Variants in APBA2 observed in about 807,000 individuals in gnomAD.
The protein encoded by APBA2 is amyloid-beta A4 precursor protein-binding family A member 2.
In APBA2, 30 loss-of-function variants were observed where a neutral mutation model predicts 75.0. The ratio of observed to expected loss-of-function variants is 0.40; its 90% confidence interval spans 0.30 to 0.54. The LOEUF is 0.54. Among genes scored for constraint, APBA2 ranks in the 20% least tolerant of loss-of-function variants. APBA2 has a pLI of 0.49. For missense variants in APBA2, 801 were observed against 1,016.1 expected, an observed-to-expected ratio of 0.79 and a Z score of 2.88; for synonymous variants, 444 against 409.6, an observed-to-expected ratio of 1.08 and a Z score of -1.01.
chr15:28,895,540 T>G (rs1349935685), intron 1 of APBA2: 1 of 152,212 alleles, frequency 6.6e-6, no homozygotes, highest in African/African-American at 2.4e-5. Flanking sequence ...CTGTTCATCC[T>G]CTGGGGGCTG....
intron 2 of APBA2, among the ~76,000 whole-genome samples, chr15:28,985,742 C>G (rs1457561491): frequency 6.6e-6 from 1 of 152,232 alleles, no homozygotes; most frequent in Non-Finnish European, 1.5e-5. Context: ...GTTCTTGCTG[C>G]TTTAACTGGA....
At chr15:28,926,477 GTTAA>G (rs1488263600) in intron 2 of APBA2, among the ~76,000 whole-genome samples, 7 of 151,988 alleles carry the variant, frequency 4.6e-5, no homozygotes, top group African/African-American at 7.3e-5. Context: ...TGACATTGCT[GTTAA>G]TTATTTCAAT....
chr15:28,999,958 G>A (rs2038755469), intron 3 of APBA2, among the ~76,000 whole-genome samples: 1 of 152,186 alleles, frequency 6.6e-6, no homozygotes, highest in Non-Finnish European at 1.5e-5. Context: ...ATGGAGGGCA[G>A]AGAAGACCAA....
chr15:29,113,352 G>GGA (rs1555417042), intron 13 of APBA2, among the ~76,000 whole-genome samples: 1 of 127,830 alleles, frequency 7.8e-6, no homozygotes, highest in East Asian at 2.5e-4. Context: ...GTCACTTGGC[G>GGA]GGGGGGGGAT....
chr15:29,020,301 C>A (rs2039888275), intron 3 of APBA2, among the ~76,000 whole-genome samples: 2 of 150,578 alleles, frequency 1.3e-5, no homozygotes, highest in African/African-American at 4.9e-5. Context: ...TTTTCTCATC[C>A]AGGTTTAAAC....
chr15:28,896,608 A>G (rs1321895268), intron 1 of APBA2, among the ~76,000 whole-genome samples: 2 of 152,076 alleles, frequency 1.3e-5, no homozygotes, highest in Admixed American at 1.3e-4. Flanking sequence ...AGAGAAACCA[A>G]ACTCTGGTGT....
intron 6 of APBA2, among the ~76,000 whole-genome samples, chr15:29,079,381 C>T (rs1005569938): frequency 2.0e-5 from 3 of 152,266 alleles, no homozygotes; most frequent in South Asian, 2.1e-4. Context: ...TTGGAGTAGA[C>T]GGCCCCATGT....
rs71132859 is a variant in APBA2 at position 28,928,142 on chromosome 15, T to TAAA, written c.-95+6408_-95+6410dup. 3.9e-4 allele frequency among the ~76,000 whole-genome samples: 51 copies of TAAA among 131,394 alleles called. 1 individual carries two copies. Among genetic ancestry groups the TAAA allele is most frequent in the African/African-American group, 1.4e-3 (49 of 34,472 alleles). 86.2% of individuals were successfully genotyped at this position (131,394 alleles called of 152,430 possible). ...CTGGGCAACAGAGCGAGACTCCATC[T>TAAA]AAAAAAAAAAAAAAAAAGAAACATG... On this transcript the variant is annotated intron_variant, in intron 2 of 14. Coordinates refer to ENST00000683413, the MANE Select transcript of APBA2 (RefSeq NM_001353788.2).
rs1429171950 is a variant in APBA2 at position 29,106,615 on chromosome 15, G to T, written c.1713G>T (p.Leu571=). Residue 571 remains leucine (L), a synonymous_variant, in exon 12 of 15, where the codon CTG becomes CTT. Coordinates refer to ENST00000683413, the MANE Select transcript of APBA2 (RefSeq NM_001353788.2). ...TGCTGATCCCTTTGCAGCTGCAGCT[G>T]GAGAAGCACAAGGGCGAGATCCTGG... ...SNSENCKELQ[L]EKHKGEILGV... is the part of the protein sequence containing the mutation. 1.2e-6 allele frequency: 2 copies of T among 1,613,190 alleles called. No individual in the cohort carries two copies. The highest frequency in any genetic ancestry group is 8.5e-7 in the Non-Finnish European group (1 of 1,180,006).
chr15:29,054,221 G>T lies in APBA2; in HGVS notation c.337G>T (p.Gly113Cys). The change falls in exon 4 of 15, where the codon GGC (glycine) becomes TGC (cysteine). Residue 113 changes from glycine to cysteine, a missense_variant. Gly to Cys is a radical substitution (Grantham distance 159). This residue lies in a region of APBA2 where 434 missense variants were observed against 471.6 expected (regional missense o/e 0.92). Transcript: ENST00000683413. The surrounding 1 kb of genome is among the most constrained non-coding windows in gnomAD (Gnocchi z 6.1). Reference sequence around the variant, plus strand: ...CCCTGAGGACGACAGCTACCTAGAGGGCATGGACTGCAACGGGGAGGAGTA... The same window carrying T: ...CCCTGAGGACGACAGCTACCTAGAGTGCATGGACTGCAACGGGGAGGAGTA... The part of the protein sequence containing the change: ...YCPEDDSYLE[G>C]MDCNGEEYLA... The T allele has an allele frequency of 3.7e-6, 6 of 1,614,148 alleles. No homozygotes were observed. The highest frequency in any genetic ancestry group is 5.1e-6 in the Non-Finnish European group (6 of 1,180,016).
chr15:29,053,957 C>T lies in APBA2; in HGVS notation c.73C>T (p.His25Tyr). 6.2e-7 allele frequency: 1 copy of T among 1,614,096 alleles called. No homozygotes were observed. Among genetic ancestry groups the T allele is most frequent in the Non-Finnish European group, 8.5e-7 (1 of 1,180,018 alleles). The change falls in exon 4 of 15, where the codon CAC (histidine) becomes TAC (tyrosine). Residue 25 changes from histidine to tyrosine, a missense_variant. This residue lies in a region of APBA2 where 434 missense variants were observed against 471.6 expected (regional missense o/e 0.92). Coordinates refer to ENST00000683413, the MANE Select transcript of APBA2 (RefSeq NM_001353788.2). ...TAGGGTGAGACCAGGTCCTGTCCCT[C>T]ACAGCCAGGAGCCCGAGAGCGAGGA... ...DHRVRPGPVP[H>Y]SQEPESEDME...
intron 2 of APBA2, among the ~76,000 whole-genome samples, chr15:28,970,905 T>C (rs2037031817): frequency 6.6e-6 from 1 of 152,122 alleles, no homozygotes. Context: ...TGCCCATGTG[T>C]GTGCACACAG....
In APBA2 at chr15:29,054,725, C is replaced by T; in HGVS notation, c.841C>T (p.Pro281Ser). The T allele has an allele frequency of 2.5e-6, 4 of 1,612,974 alleles. No homozygotes were observed. Among genetic ancestry groups the T allele is most frequent in the Non-Finnish European group, 3.4e-6 (4 of 1,179,992 alleles). Residue 281 changes from proline to serine, a missense_variant, in exon 4 of 15, where the codon CCC becomes TCC. This residue lies in a region of APBA2 where 434 missense variants were observed against 471.6 expected (regional missense o/e 0.92). Transcript: ENST00000683413. The surrounding 1 kb of genome is among the most constrained non-coding windows in gnomAD (Gnocchi z 6.1). The part of the protein sequence containing the change: ...SCSPSRHEAR[P>S]KSLNLLPEAK... ...CAGCCCCAGCAGGCACGAGGCGAGGCCCAAGTCGCTGAACCTCCTTCCCGA... is the reference window on the plus strand; with the variant it reads ...CAGCCCCAGCAGGCACGAGGCGAGGTCCAAGTCGCTGAACCTCCTTCCCGA...
intron 10 of APBA2, among the ~76,000 whole-genome samples, chr15:29,103,236 G>T (rs966233068): frequency 6.6e-6 from 1 of 152,224 alleles, no homozygotes. Context: ...CAGCCGATGC[G>T]GAGGGTTAAA....
chr15:29,099,243 C>G (rs889821318), intron 9 of APBA2, among the ~76,000 whole-genome samples: 1 of 152,220 alleles, frequency 6.6e-6, no homozygotes, highest in African/African-American at 2.4e-5. Flanking sequence ...CATCACCCAC[C>G]TGTGCTGGGT....
intron 2 of APBA2, among the ~76,000 whole-genome samples, chr15:28,975,824 G>GA (rs1263937522): frequency 1.3e-5 from 2 of 152,326 alleles, no homozygotes; most frequent in East Asian, 1.9e-4. Flanking sequence ...TGGCAGAGAG[G>GA]AAAAAACTCA....
In APBA2 at chr15:29,003,856, G is replaced by A. The variant is rs554957000; in HGVS notation, c.-41+8050G>A. ...CAGACCCAGACAGATTGTCTGGGAT[G>A]ATCTCCTTTCTAAAAGTCAACTCAT... On this transcript the variant is annotated intron_variant, in intron 3 of 14. Coordinates refer to ENST00000683413, the MANE Select transcript of APBA2 (RefSeq NM_001353788.2). Among the ~76,000 whole-genome samples, 4 of 152,358 alleles carry A rather than the reference G, an allele frequency of 2.6e-5. No individual in the cohort carries two copies. The South Asian group carries it at 8.3e-4, about 32-fold the overall frequency.
intron 3 of APBA2, among the ~76,000 whole-genome samples, chr15:28,996,098 T>C (rs547583143): frequency 6.6e-6 from 1 of 152,212 alleles, no homozygotes; most frequent in South Asian, 2.1e-4. Context: ...CCATCTGTCC[T>C]CTCCTCATTA....
chr15:28,899,772 G>T (rs1033526187), intron 1 of APBA2, among the ~76,000 whole-genome samples: 1 of 151,968 alleles, frequency 6.6e-6, no homozygotes, highest in Non-Finnish European at 1.5e-5. Context: ...AGCATGTAGG[G>T]ACCTTCGTGG....
Sources: gnomAD v4.1 joint callset for allele counts (sites outside exome capture counted in the v4.1 genomes callset) on GRCh38, gnomAD v4.1.1 for gene constraint, gnomAD v4.1.1 regional missense constraint, Gnocchi (gnomAD v3.1) non-coding constraint, MANE v1.5 for transcripts, NCBI Gene and HGNC (gene_info 2026-07-23, HGNC 2026-07-21) for gene names.